Variants in ZNF155 observed in about 807,000 individuals in gnomAD.
ZNF155 encodes the protein zinc finger protein 155.
In ZNF155, 15 loss-of-function variants were observed where a neutral mutation model predicts 11.9. That is an observed-to-expected ratio of 1.26 (90% CI 0.84 to 1.94). The LOEUF is 1.94. ZNF155 is among the 30% of genes most tolerant of loss of function. The probability of loss-of-function intolerance (pLI) is 0.00; values close to 1 mark genes in which losing one functional copy is unlikely to be tolerated. For missense variants in ZNF155, 602 were observed against 639.1 expected, an observed-to-expected ratio of 0.94 and a Z score of 0.63; for synonymous variants, 212 against 219.9, an observed-to-expected ratio of 0.96 and a Z score of 0.32.
intron 2 of ZNF155, among the ~76,000 whole-genome samples, chr19:43,991,047 T>A (rs1348806606): frequency 2.0e-5 from 3 of 152,176 alleles, no homozygotes; most frequent in African/African-American, 7.2e-5. Flanking sequence ...ATGTTCTATG[T>A]TTATTCTTCA....
In ZNF155 at chr19:43,996,622, A is replaced by G; in HGVS notation, c.765A>G (p.Thr255=). Reference sequence around the variant, plus strand: ...TTAATGTTCATCGTAAATTACACACAGGAGAGAAACCTTACATTTGTGAGG... The same window carrying G: ...TTAATGTTCATCGTAAATTACACACGGGAGAGAAACCTTACATTTGTGAGG... ...SALNVHRKLH[T]GEKPYICEAC... The change falls in exon 5 of 5, where the codon ACA becomes ACG. Residue 255 remains threonine, a synonymous_variant. Transcript: ENST00000270014. 1.9e-6 allele frequency: 3 copies of G among 1,613,098 alleles called. No individual in the cohort carries two copies. Among genetic ancestry groups the G allele is most frequent in the Non-Finnish European group, 2.5e-6 (3 of 1,179,200 alleles).
At chr19:43,993,472 G>C (rs1402712676) in intron 4 of ZNF155, among the ~76,000 whole-genome samples, 1 of 152,144 alleles carries the variant, frequency 6.6e-6, no homozygotes, top group Non-Finnish European at 1.5e-5. Flanking sequence ...GGAGTGCAAT[G>C]GTGCAATCTC....
At chr19:43,989,233 C>G (rs1450489829) in intron 2 of ZNF155, among the ~76,000 whole-genome samples, 1 of 152,214 alleles carries the variant, frequency 6.6e-6, no homozygotes, top group African/African-American at 2.4e-5. Context: ...ACTGGAAGAG[C>G]TAGATTCTGT....
chr19:43,991,424 A>G, intron 2 of ZNF155, 124 bp from the exon 3 acceptor site: 1 of 1,504,524 alleles, frequency 6.6e-7, no homozygotes. Flanking sequence ...GAAATCTCTA[A>G]GTTGACCTAC....
At position 43,997,723 on chromosome 19, in the gene ZNF155, C is replaced by A; in HGVS notation, c.*249C>A. ...CAGCCTGGGGAAGACAATCAAGCTA[C>A]AGGCACTGATAAGGGAACTAGCACA... On this transcript the variant is annotated 3_prime_UTR_variant, in exon 5 of 5. Coordinates refer to ENST00000270014, the MANE Select transcript of ZNF155 (RefSeq NM_198089.3). The A allele has an allele frequency of 2.4e-6, 1 of 419,084 alleles. No homozygotes were observed. Among genetic ancestry groups the A allele is most frequent in the Non-Finnish European group, 4.2e-6 (1 of 235,896 alleles). 26.0% of individuals were successfully genotyped at this position (419,084 alleles called of 1,614,324 possible). A position where few individuals can be genotyped will look rare whatever the true frequency, so the allele number is the denominator to read the frequency against.
chr19:43,996,138 C>T lies in ZNF155; in HGVS notation c.281C>T (p.Ala94Val). The change falls in exon 5 of 5, where the codon GCA becomes GTA. Residue 94 changes from alanine to valine, a missense_variant. By Grantham distance (64) the Ala-to-Val change is moderately conservative (BLOSUM62 0). Transcript: ENST00000270014. ...TELESVPEAG[A>V]HEEWSCQQIW... ...TTGGAGTCTGTTCCAGAAGCAGGAG[C>T]ACATGAAGAGTGGTCCTGCCAGCAA... 1.9e-6 allele frequency: 3 copies of T among 1,612,734 alleles called. No individual in the cohort carries two copies. The African/African-American group carries it at 4.0e-5, about 21-fold the overall frequency.
chr19:43,995,418 T>C (rs1228676828), intron 4 of ZNF155, among the ~76,000 whole-genome samples: 2 of 150,596 alleles, frequency 1.3e-5, no homozygotes, highest in African/African-American at 4.9e-5. Flanking sequence ...TTTTTTTTTT[T>C]TTTTTTTTGA....
At chr19:43,990,031 AG>A in intron 2 of ZNF155, 1 of 1,487,898 alleles carries the variant, frequency 6.7e-7, no homozygotes, top group African/African-American at 1.4e-5. Context: ...CAGATTACCA[AG>A]ACTGTGGGAA....
At chr19:43,995,264 A>G (rs995455485) in intron 4 of ZNF155, among the ~76,000 whole-genome samples, 1 of 151,948 alleles carries the variant, frequency 6.6e-6, no homozygotes, top group Non-Finnish European at 1.5e-5. Flanking sequence ...GGCATGTGCC[A>G]CCACACGTGG....
Position 43,988,513 on chromosome 19 carries a change from A to T in ZNF155, c.-31A>T, listed in dbSNP as rs750336156. ...CTTCATTCAAACTGCATCACCCAGG[A>T]GTCTGCAAATTCCCCAAAGTAGGAG... On this transcript the variant is annotated 5_prime_UTR_variant, in exon 2 of 5. Transcript: ENST00000270014. 1 of 1,606,424 alleles carries T rather than the reference A, an allele frequency of 6.2e-7. No homozygotes were observed. The highest frequency in any genetic ancestry group is 8.5e-7 in the Non-Finnish European group (1 of 1,175,286).
rs1408686460 is a variant in ZNF155 at position 43,984,216 on chromosome 19, A to G, written c.-115A>G. On this transcript the variant is annotated 5_prime_UTR_variant, in exon 1 of 5. Transcript: ENST00000270014. ...GACACTTCCGGTCTCCGAGCAGGAC[A>G]CTGCTACTTAACAAGGTGGTTTGAG... 1 of 152,048 alleles carries G rather than the reference A, an allele frequency of 6.6e-6. No homozygotes were observed. Among genetic ancestry groups the G allele is most frequent in the Non-Finnish European group, 1.5e-5 (1 of 68,028 alleles). The allele number at this position is 152,048 out of a possible 1,614,324, so 9.4% of individuals were successfully genotyped here. A position where few individuals can be genotyped will look rare whatever the true frequency, so the allele number is the denominator to read the frequency against.
At chr19:43,996,033 C>T in intron 4 of ZNF155, 60 bp from the exon 5 acceptor site, 2 of 1,512,570 alleles carry the variant, frequency 1.3e-6, no homozygotes, top group Non-Finnish European at 1.8e-6. Context: ...AGTGTGAAAC[C>T]TTGAGATCAC....
At chr19:43,986,611 G>A (rs1247477001) in intron 1 of ZNF155, among the ~76,000 whole-genome samples, 9 of 151,794 alleles carry the variant, frequency 5.9e-5, no homozygotes, top group Admixed American at 4.6e-4. Context: ...CACCATGCCC[G>A]GCTATTTTTT....
chr19:43,996,192 C>CTTTTG lies in ZNF155; in HGVS notation c.335_336insTTTTG (p.Arg113PhefsTer9), dbSNP rs1265487293. Reference sequence around the variant, plus strand: ...TGGGAACAAATTGCAAAAGACTTAACCAGGTCTCAGGACTCTATCATAAAT... The same window carrying CTTTTG: ...TGGGAACAAATTGCAAAAGACTTAACTTTTGCAGGTCTCAGGACTCTATCATAAAT... On this transcript the variant is annotated frameshift_variant, in exon 5 of 5. Transcript: ENST00000270014. LOFTEE classifies it low-confidence loss of function (END_TRUNC). The CTTTTG allele has an allele frequency of 5.0e-6, 8 of 1,614,038 alleles. No individual in the cohort carries two copies. The African/African-American group carries it at 9.3e-5, about 19-fold the overall frequency.
chr19:43,984,391 G>C (rs1975356620), intron 1 of ZNF155, 146 bp downstream of exon 1: 2 of 146,002 alleles, frequency 1.4e-5, no homozygotes, highest in Admixed American at 1.4e-4. Context: ...CGTTGCCGTC[G>C]ATGGAGCCTT....
Position 43,984,609 on chromosome 19 carries a change from A to T in ZNF155, c.-86+364A>T, listed in dbSNP as rs1975368393. The stretch of plus-strand genomic sequence containing the variant: ...GTTACTTAATCTCCCTGTACCTCCC[A>T]TTGCCGTTTTTTAAATGAGGATTTC... On this transcript the variant is annotated intron_variant, in intron 1 of 4. Coordinates refer to ENST00000270014, the MANE Select transcript of ZNF155 (RefSeq NM_198089.3). 2.6e-5 allele frequency among the ~76,000 whole-genome samples: 4 copies of T among 152,216 alleles called. No individual in the cohort carries two copies. In the South Asian group the frequency reaches 8.3e-4, roughly 32 times the overall value.
At chr19:43,993,165 T>C (rs1285939933) in intron 4 of ZNF155, among the ~76,000 whole-genome samples, 1 of 152,240 alleles carries the variant, frequency 6.6e-6, no homozygotes, top group African/African-American at 2.4e-5. Context: ...ACAAGTCATG[T>C]AGCTGAACAT....
intron 4 of ZNF155, among the ~76,000 whole-genome samples, chr19:43,993,209 G>A (rs1975724442): frequency 6.6e-6 from 1 of 152,162 alleles, no homozygotes; most frequent in Non-Finnish European, 1.5e-5. Context: ...CTTCATAAAT[G>A]TGTCTATTTC....
intron 4 of ZNF155, among the ~76,000 whole-genome samples, chr19:43,994,695 T>G (rs1975772679): frequency 6.6e-6 from 1 of 152,202 alleles, no homozygotes; most frequent in South Asian, 2.1e-4. Flanking sequence ...GAGTAGGATG[T>G]GTTACATTCC....
Sources: allele counts gnomAD v4.1 joint callset (sites outside exome capture counted in the v4.1 genomes callset), GRCh38; gene constraint gnomAD v4.1.1; transcripts MANE v1.5; gene names NCBI Gene and HGNC (gene_info 2026-07-23, HGNC 2026-07-21).